The following NLRP3 variants were observed in gnomAD, a reference collection of about 807,000 sequenced individuals.
The protein encoded by NLRP3 is NLR family pyrin domain containing 3, also known as NACHT, LRR and PYD domains-containing protein 3.
Under a neutral mutation model 91.3 loss-of-function variants are expected in NLRP3, and 48 were observed. That is an observed-to-expected ratio of 0.53 (90% CI 0.42 to 0.67). The LOEUF (loss-of-function observed/expected upper bound fraction) is 0.67. NLRP3 is among the 30% of genes least tolerant of loss of function. NLRP3 has a pLI of 0.00. For synonymous variants in NLRP3, 561 were observed against 507.9 expected (o/e 1.10, Z -1.41); for missense variants, 982 against 1,276.9 (o/e 0.77, Z 3.52).
intron 7 of NLRP3, among the ~76,000 whole-genome samples, chr1:247,439,009 C>CGTCA: frequency 6.7e-6 from 1 of 148,716 alleles, no homozygotes; most frequent in Middle Eastern, 3.2e-3. Flanking sequence ...CTCTATTTTC[C>CGTCA]ATCCGTCAAT....
rs1032901835 is a variant in NLRP3, at chr1:247,425,662, G to T, written c.2150+63G>T. 2 of 1,465,736 alleles carry T rather than the reference G, an allele frequency of 1.4e-6. No homozygotes were observed. The highest frequency in any genetic ancestry group is 1.9e-6 in the Non-Finnish European group (2 of 1,060,752). The allele number at this position is 1,465,736 out of a possible 1,614,324, so 90.8% of individuals were successfully genotyped here. A position where few individuals can be genotyped will look rare whatever the true frequency, so the allele number is the denominator to read the frequency against. The stretch of plus-strand genomic sequence containing the variant: ...CCTCGCCAGCTTCTTCTTGGCGCTT[G>T]CCTCCTCTCATCTCTTTTCAACTAT... On this transcript the variant is annotated intron_variant, in intron 4 of 9. Coordinates refer to ENST00000336119, the MANE Select transcript of NLRP3 (RefSeq NM_001243133.2). This position sits in a 1 kb window ranked among gnomAD's most constrained non-coding sequence, Gnocchi z 4.1.
chr1:247,443,490 CA>C (rs1210658041), intron 7 of NLRP3, among the ~76,000 whole-genome samples: 14 of 151,334 alleles, frequency 9.3e-5, no homozygotes, highest in Non-Finnish European at 1.8e-4. Flanking sequence ...AATGGACGTT[CA>C]CCTGTTGTCT....
At chr1:247,444,627 C>A in intron 8 of NLRP3, 24 bp from the exon 9 acceptor site, 1 of 1,613,170 alleles carries the variant, frequency 6.2e-7, no homozygotes, top group Non-Finnish European at 8.5e-7. Flanking sequence ...GGGACATTTT[C>A]TTTAAATCAC....
chr1:247,419,507 C>T (rs771944823), intron 2 of NLRP3, among the ~76,000 whole-genome samples: 3 of 152,166 alleles, frequency 2.0e-5, no homozygotes, highest in Non-Finnish European at 4.4e-5. Context: ...TCACATTGTG[C>T]AACCAGTCTC....
intron 2 of NLRP3, among the ~76,000 whole-genome samples, chr1:247,420,755 T>TC (rs72504922): frequency 0.84 from 127,375 of 152,120 alleles, 53,413 homozygotes; most frequent in East Asian, 0.92. Context: ...CTTGGTTTTT[T>TC]CTCTTTTCCC....
chr1:247,447,878 C>G (rs1204164822), intron 9 of NLRP3, among the ~76,000 whole-genome samples: 1 of 152,128 alleles, frequency 6.6e-6, no homozygotes, highest in Non-Finnish European at 1.5e-5. Context: ...GTTGACATGA[C>G]CTGTTTAATT....
rs4612666 is a variant in NLRP3, at chr1:247,435,768, T to C, written c.2493-202T>C. Among the ~76,000 whole-genome samples the C allele has an allele frequency of 0.65, 98,624 of 152,056 alleles. 33,309 individuals are homozygous for C. The highest frequency in any genetic ancestry group is 0.75 in the Non-Finnish European group (50,921 of 67,992). ...AGCTGAATGTAGGGAGCTGGGAAGATGTAGTATTGGTGGGAGCTTGGAGAA... is the reference window on the plus strand; with the variant it reads ...AGCTGAATGTAGGGAGCTGGGAAGACGTAGTATTGGTGGGAGCTTGGAGAA... On this transcript the variant is annotated intron_variant, in intron 6 of 9. Transcript: ENST00000336119.
chr1:247,437,790 G>A (rs564489635), intron 7 of NLRP3, among the ~76,000 whole-genome samples: 2 of 152,248 alleles, frequency 1.3e-5, no homozygotes, highest in African/African-American at 4.8e-5. Flanking sequence ...ACGGCGAGGG[G>A]TGCTTCTCTG....
chr1:247,439,220 T>C (rs1251369062), intron 7 of NLRP3, among the ~76,000 whole-genome samples: 1 of 152,256 alleles, frequency 6.6e-6, no homozygotes, highest in Non-Finnish European at 1.5e-5. Context: ...CATTGTTATG[T>C]AGTATTTTAA....
At chr1:247,431,523 C>T (rs1327268301) in intron 5 of NLRP3, among the ~76,000 whole-genome samples, 1 of 152,196 alleles carries the variant, frequency 6.6e-6, no homozygotes, top group Non-Finnish European at 1.5e-5. Flanking sequence ...CTTGCCTGGA[C>T]ACGCAGTGAC....
rs1662650920 is a variant in NLRP3 at position 247,423,830 on chromosome 1, T to A, written c.398-17T>A. The A allele has an allele frequency of 1.2e-6, 2 of 1,611,870 alleles. No individual in the cohort carries two copies. Among genetic ancestry groups the A allele is most frequent in the Non-Finnish European group, 1.7e-6 (2 of 1,179,258 alleles). ...ATGTGTGTATACTTTCCCCCTAACT[T>A]CCTGTCTTTGCCGTAGATTACCGTA... On this transcript the variant is annotated splice_polypyrimidine_tract_variant and intron_variant, in intron 3 of 9. Coordinates refer to ENST00000336119, the MANE Select transcript of NLRP3 (RefSeq NM_001243133.2).
intron 9 of NLRP3, among the ~76,000 whole-genome samples, chr1:247,445,078 C>T (rs186165656): frequency 1.3e-5 from 2 of 152,260 alleles, no homozygotes; most frequent in East Asian, 1.9e-4. Flanking sequence ...AGCCCTCATG[C>T]GATCATGGCC....
rs1664752958 is a variant in NLRP3 at position 247,448,564 on chromosome 1, A to G, written c.*60A>G. 3 of 988,176 alleles carry G rather than the reference A, an allele frequency of 3.0e-6. No individual in the cohort carries two copies. The highest frequency in any genetic ancestry group is 4.8e-5 in the East Asian group (2 of 41,954). The allele number at this position is 988,176 out of a possible 1,614,324, so 61.2% of individuals were successfully genotyped here. On this transcript the variant is annotated 3_prime_UTR_variant, in exon 10 of 10. Coordinates refer to ENST00000336119, the MANE Select transcript of NLRP3 (RefSeq NM_001243133.2). ...CCGGTCCCTCCAGCTGGGGGCCCTC[A>G]GGTGGAGAGAGCTGCGATCCATCCA...
intron 5 of NLRP3, among the ~76,000 whole-genome samples, chr1:247,432,343 G>T (rs936359532): frequency 1.4e-5 from 2 of 143,630 alleles, no homozygotes; most frequent in African/African-American, 2.6e-5. Context: ...AAGTGAGAAC[G>T]TGTGGTATTT....
intron 8 of NLRP3, among the ~76,000 whole-genome samples, chr1:247,444,427 A>G (rs1158850356): frequency 2.0e-5 from 3 of 151,950 alleles, no homozygotes; most frequent in Non-Finnish European, 4.4e-5. Context: ...TGGTAAATCA[A>G]TGAACAAACC....
At position 247,427,859 on chromosome 1, in the gene NLRP3, A is replaced by T. The variant is rs1663015403; in HGVS notation, c.2151-1726A>T. 4.3e-5 allele frequency among the ~76,000 whole-genome samples: 2 copies of T among 46,674 alleles called. 1 individual carries two copies. The highest frequency in any genetic ancestry group is 9.4e-5 in the Non-Finnish European group (2 of 21,314). The allele number at this position is 46,674 out of a possible 152,430, so 30.6% of individuals were successfully genotyped here. A position where few individuals can be genotyped will look rare whatever the true frequency, so the allele number is the denominator to read the frequency against. The stretch of plus-strand genomic sequence containing the variant: ...TTGGAGCCCTGGCAGGGGGCTCAGC[A>T]CCCATCCCTCTAGATGGCACCTGCC... On this transcript the variant is annotated intron_variant, in intron 4 of 9. Coordinates refer to ENST00000336119, the MANE Select transcript of NLRP3 (RefSeq NM_001243133.2).
In NLRP3 at chr1:247,434,785, AAAC is replaced by A. The variant is rs1285419549; in HGVS notation, c.2492+518_2492+520del. ...ATCAAACAAAAGCAAGAAAACTAGA[AAAC>A]AACAAGTATTGGTGTGGGTGCGGAG... On this transcript the variant is annotated intron_variant, in intron 6 of 9. Coordinates refer to ENST00000336119, the MANE Select transcript of NLRP3 (RefSeq NM_001243133.2). 3.3e-5 allele frequency among the ~76,000 whole-genome samples: 5 copies of A among 152,210 alleles called. No homozygotes were observed. In the East Asian group the frequency reaches 5.8e-4, roughly 18 times the overall value.
intron 2 of NLRP3, among the ~76,000 whole-genome samples, chr1:247,422,940 C>T (rs1303508402): frequency 6.6e-6 from 1 of 152,226 alleles, no homozygotes; most frequent in Admixed American, 6.5e-5. Flanking sequence ...ACTTAGCCTG[C>T]TTCGCATGTT....
intron 4 of NLRP3, among the ~76,000 whole-genome samples, chr1:247,428,516 G>C (rs1360259152): frequency 6.6e-6 from 1 of 152,182 alleles, no homozygotes; most frequent in Admixed American, 6.5e-5. Context: ...TGTAATCCTA[G>C]GTTTTGGGAG....
Sources: allele counts gnomAD v4.1 joint callset (sites outside exome capture counted in the v4.1 genomes callset), GRCh38; gene constraint gnomAD v4.1.1; non-coding constraint Gnocchi (gnomAD v3.1); transcripts MANE v1.5; gene names NCBI Gene and HGNC (gene_info 2026-07-23, HGNC 2026-07-21).